SESTD1: variants seen among roughly 807,000 people sequenced by gnomAD.
SESTD1 encodes SEC14 and spectrin domain containing 1.
SESTD1 carries 43 observed loss-of-function variants against 101.7 expected under a neutral mutation model. That is an observed-to-expected ratio of 0.42 (90% CI 0.33 to 0.55). The LOEUF (loss-of-function observed/expected upper bound fraction) is 0.55, where lower values mean the gene tolerates loss of function less well. Ranked by LOEUF, SESTD1 falls within the 20% of genes least tolerant of loss-of-function variation. The probability of loss-of-function intolerance (pLI) is 0.07; values close to 1 mark genes in which losing one functional copy is unlikely to be tolerated. For synonymous variants in SESTD1, 283 were observed against 286.8 expected, an observed-to-expected ratio of 0.99 and a Z score of 0.13; for missense variants, 647 against 815.1, an observed-to-expected ratio of 0.79 and a Z score of 2.51.
At position 179,108,278 on chromosome 2, in the gene SESTD1, A is replaced by G. The variant is rs930541461; in HGVS notation, c.*1621T>C. The G allele has an allele frequency of 1.3e-5, 2 of 152,208 alleles. No homozygotes were observed. Among genetic ancestry groups the G allele is most frequent in the Admixed American group, 6.5e-5 (1 of 15,270 alleles). The allele number at this position is 152,208 out of a possible 1,614,324, so 9.4% of individuals were successfully genotyped here. A position where few individuals can be genotyped will look rare whatever the true frequency, so the allele number is the denominator to read the frequency against. Reference sequence around the variant, plus strand: ...AGCAGGCACATCTTAAATTAGGGTTATGCGACTGTACTCACAGTTATTTCA... The same window carrying G: ...AGCAGGCACATCTTAAATTAGGGTTGTGCGACTGTACTCACAGTTATTTCA... On this transcript the variant is annotated 3_prime_UTR_variant, in exon 18 of 18. Coordinates refer to ENST00000428443, the MANE Select transcript of SESTD1 (RefSeq NM_178123.5).
chr2:179,216,658 G>C lies in SESTD1; in HGVS notation c.-25-24792C>G, dbSNP rs1487336104. On this transcript the variant is annotated intron_variant, in intron 1 of 17. Transcript: ENST00000428443. The stretch of plus-strand genomic sequence containing the variant: ...TTAAAGTTCATATGCAACCAAAAAA[G>C]GAGTCCACATTGCCAAGACAATCCT... Among the ~76,000 whole-genome samples the C allele has an allele frequency of 1.5e-5, 2 of 134,778 alleles. 1 individual carries two copies. The highest frequency in any genetic ancestry group is 3.2e-5 in the Non-Finnish European group (2 of 62,732). The allele number at this position is 134,778 out of a possible 152,430, so 88.4% of individuals were successfully genotyped here.
intron 9 of SESTD1, among the ~76,000 whole-genome samples, chr2:179,134,932 G>T (rs575737216): frequency 4.0e-5 from 6 of 151,876 alleles, no homozygotes; most frequent in East Asian, 1.9e-4. Flanking sequence ...CAAACTATTG[G>T]TTTTTTTGTT....
intron 1 of SESTD1, among the ~76,000 whole-genome samples, chr2:179,195,143 CGGATATGG>C (rs2105500539): frequency 6.6e-6 from 1 of 152,328 alleles, no homozygotes; most frequent in African/African-American, 2.4e-5. Flanking sequence ...GACAGGCCAC[CGGATATGG>C]TTTGACTCTG....
intron 1 of SESTD1, 34 bp from the exon 2 acceptor site, chr2:179,191,900 GACA>G (rs1220618790): frequency 6.5e-6 from 9 of 1,380,508 alleles, no homozygotes; most frequent in Admixed American, 5.5e-5. Flanking sequence ...TCAACTACAA[GACA>G]ACAATTATTC....
Position 179,216,686 on chromosome 2 carries a change from G to A in SESTD1, c.-25-24820C>T, listed in dbSNP as rs186174231. On this transcript the variant is annotated intron_variant, in intron 1 of 17. Coordinates refer to ENST00000428443, the MANE Select transcript of SESTD1 (RefSeq NM_178123.5). ...GTCCACATTGCCAAGACAATCCTAC[G>A]CAAAAAGAACAAGGCTGTAGGCATC... Among the ~76,000 whole-genome samples the A allele has an allele frequency of 1.6e-4, 21 of 134,860 alleles. 4 individuals carry two copies. Among genetic ancestry groups the A allele is most frequent in the Middle Eastern group, 4.2e-3 (1 of 236 alleles). The allele number at this position is 134,860 out of a possible 152,430, so 88.5% of individuals were successfully genotyped here.
At chr2:179,156,587 A>G (rs758871083) in intron 5 of SESTD1, among the ~76,000 whole-genome samples, 2 of 152,070 alleles carry the variant, frequency 1.3e-5, no homozygotes, top group African/African-American at 2.4e-5. Flanking sequence ...GATGTTGAGC[A>G]TTTTTTCATA....
chr2:179,105,907 C>T lies in SESTD1; in HGVS notation c.*3992G>A, dbSNP rs1239089219. 2 of 152,158 alleles carry T rather than the reference C, an allele frequency of 1.3e-5. No individual in the cohort carries two copies. The highest frequency in any genetic ancestry group is 2.4e-5 in the African/African-American group (1 of 41,436). The allele number at this position is 152,158 out of a possible 1,614,324, so 9.4% of individuals were successfully genotyped here. ...TATGTTCTTTCCTCTACAAGTACTGCCATTATTTATGCTTCTTAGCTAAAC... is the reference window on the plus strand; with the variant it reads ...TATGTTCTTTCCTCTACAAGTACTGTCATTATTTATGCTTCTTAGCTAAAC... On this transcript the variant is annotated 3_prime_UTR_variant, in exon 18 of 18. Transcript: ENST00000428443.
chr2:179,110,188 A>G (rs1404861302), intron 17 of SESTD1, among the ~76,000 whole-genome samples, 160 bp from the exon 18 acceptor site: 3 of 152,226 alleles, frequency 2.0e-5, no homozygotes, highest in Admixed American at 2.0e-4. Context: ...CAGGAAATTC[A>G]GCAGGAAAAA....
At position 179,108,913 on chromosome 2, in the gene SESTD1, T is replaced by C. The variant is rs1227300093; in HGVS notation, c.*986A>G. ...ATGAGAAACTAAATTTTATTAACAATTGCTATTTTAGTTCCTGAAAGATTA... is the reference window on the plus strand; with the variant it reads ...ATGAGAAACTAAATTTTATTAACAACTGCTATTTTAGTTCCTGAAAGATTA... On this transcript the variant is annotated 3_prime_UTR_variant, in exon 18 of 18. Coordinates refer to ENST00000428443, the MANE Select transcript of SESTD1 (RefSeq NM_178123.5). 1 of 152,110 alleles carries C rather than the reference T, an allele frequency of 6.6e-6. No homozygotes were observed. The highest frequency in any genetic ancestry group is 1.5e-5 in the Non-Finnish European group (1 of 67,994). 9.4% of individuals were successfully genotyped at this position (152,110 alleles called of 1,614,324 possible).
At chr2:179,235,620 C>T (rs1020595283) in intron 1 of SESTD1, among the ~76,000 whole-genome samples, 6 of 152,170 alleles carry the variant, frequency 3.9e-5, no homozygotes, top group Middle Eastern at 3.2e-3. Flanking sequence ...TGATTCTACC[C>T]TCTTCTCAAC....
intron 9 of SESTD1, among the ~76,000 whole-genome samples, chr2:179,142,017 A>C (rs1477888983): frequency 6.6e-6 from 1 of 152,160 alleles, no homozygotes; most frequent in Non-Finnish European, 1.5e-5. Context: ...TTCCTTTCAA[A>C]TCTTTTTTTC....
chr2:179,258,203 T>C (rs2047428190), intron 1 of SESTD1, among the ~76,000 whole-genome samples: 1 of 152,210 alleles, frequency 6.6e-6, no homozygotes. Flanking sequence ...CACAGTGCAA[T>C]TCAAGACTTT....
intron 5 of SESTD1, among the ~76,000 whole-genome samples, chr2:179,152,394 T>C (rs917675571): frequency 2.6e-5 from 4 of 152,222 alleles, no homozygotes; most frequent in Admixed American, 6.5e-5. Flanking sequence ...ATCTTGATTA[T>C]GGCAAAAATT....
intron 10 of SESTD1, among the ~76,000 whole-genome samples, chr2:179,130,931 T>G (rs1236076273): frequency 6.6e-6 from 1 of 152,070 alleles, no homozygotes; most frequent in Non-Finnish European, 1.5e-5. Flanking sequence ...GGAACAGGGT[T>G]TGTAATATGA....
At chr2:179,163,570 T>C (rs1032850039) in intron 5 of SESTD1, among the ~76,000 whole-genome samples, 1 of 146,216 alleles carries the variant, frequency 6.8e-6, no homozygotes, top group African/African-American at 2.7e-5. Context: ...TATATATATA[T>C]ATAAAAGAAG....
Position 179,165,146 on chromosome 2 carries a change from TCTCAA to T in SESTD1, c.369+6969_369+6973del, listed in dbSNP as rs961248690. The stretch of plus-strand genomic sequence containing the variant: ...CGTATTAACCAGCATTTGAAATTAC[TCTCAA>T]CTCATTAGGAAATTGGGCTTTTAAT... On this transcript the variant is annotated intron_variant, in intron 5 of 17. Coordinates refer to ENST00000428443, the MANE Select transcript of SESTD1 (RefSeq NM_178123.5). 4.6e-5 allele frequency among the ~76,000 whole-genome samples: 7 copies of T among 152,328 alleles called. No homozygotes were observed. The East Asian group carries it at 1.2e-3, about 25-fold the overall frequency.
chr2:179,192,911 G>A (rs572301116), intron 1 of SESTD1, among the ~76,000 whole-genome samples: 4 of 152,166 alleles, frequency 2.6e-5, no homozygotes, highest in Non-Finnish European at 5.9e-5. Context: ...GCAGTTCCTT[G>A]AAGTACACTG....
intron 5 of SESTD1, among the ~76,000 whole-genome samples, chr2:179,171,548 A>G (rs893251685): frequency 6.6e-6 from 1 of 152,128 alleles, no homozygotes; most frequent in Non-Finnish European, 1.5e-5. Context: ...CAACTCTCCT[A>G]CTGGGAAGTT....
At chr2:179,256,165 G>A (rs540555996) in intron 1 of SESTD1, among the ~76,000 whole-genome samples, 1 of 152,330 alleles carries the variant, frequency 6.6e-6, no homozygotes, top group Admixed American at 6.5e-5. Flanking sequence ...CACAGATCAA[G>A]GAGTAAGTTT....
Sources: gnomAD v4.1 joint callset for allele counts (sites outside exome capture counted in the v4.1 genomes callset) on GRCh38, gnomAD v4.1.1 for gene constraint, MANE v1.5 for transcripts, NCBI Gene and HGNC (gene_info 2026-07-23, HGNC 2026-07-21) for gene names.